RYR3: variants seen among roughly 807,000 people sequenced by gnomAD.
The protein encoded by RYR3 is brain ryanodine receptor-calcium release channel.
RYR3 carries 207 observed loss-of-function variants against 584.3 expected under a neutral mutation model. The ratio of observed to expected loss-of-function variants is 0.35; its 90% CI spans 0.32 to 0.40. The LOEUF is 0.40. Ranked by LOEUF, RYR3 falls within the 10% of genes least tolerant of loss-of-function variation. The pLI is 1.00. For synonymous variants in RYR3, 2,416 were observed against 2,248.5 expected (o/e 1.07, Z -2.11); for missense variants, 5,616 against 6,089.2 (o/e 0.92, Z 2.59).
At chr15:33,354,621 A>G (rs1333231071) in intron 1 of RYR3, among the ~76,000 whole-genome samples, 1 of 152,194 alleles carries the variant, frequency 6.6e-6, no homozygotes, top group African/African-American at 2.4e-5. Flanking sequence ...AATTGATTTA[A>G]TCAGCTTTCT....
At chr15:33,782,816 C>T (rs935015396) in intron 65 of RYR3, among the ~76,000 whole-genome samples, 4 of 152,162 alleles carry the variant, frequency 2.6e-5, no homozygotes, top group African/African-American at 9.7e-5. Flanking sequence ...CATCCTGGTG[C>T]ATTTTCTTCC....
chr15:33,498,897 G>A (rs1051433557), intron 2 of RYR3, among the ~76,000 whole-genome samples: 1 of 152,010 alleles, frequency 6.6e-6, no homozygotes, highest in African/African-American at 2.4e-5. Flanking sequence ...GCATATGCAC[G>A]TTCAGTTTTC....
intron 38 of RYR3, among the ~76,000 whole-genome samples, chr15:33,679,327 A>G (rs766464164): frequency 3.9e-5 from 6 of 152,232 alleles, no homozygotes; most frequent in African/African-American, 7.2e-5. Context: ...ATGTGCAGTG[A>G]TGCTTTGATA....
chr15:33,362,786 G>A (rs1974958955), intron 1 of RYR3, among the ~76,000 whole-genome samples: 2 of 152,164 alleles, frequency 1.3e-5, no homozygotes, highest in East Asian at 3.9e-4. Context: ...CAGTACCAGA[G>A]CAAAACACAA....
chr15:33,845,737 TTTGAA>T (rs2078683979), intron 93 of RYR3, among the ~76,000 whole-genome samples: 1 of 152,242 alleles, frequency 6.6e-6, no homozygotes, highest in African/African-American at 2.4e-5. Context: ...TCTTCTGATC[TTTGAA>T]TTGATGTCAA....
intron 1 of RYR3, among the ~76,000 whole-genome samples, chr15:33,340,865 G>T (rs1370898242): frequency 6.6e-6 from 1 of 152,174 alleles, no homozygotes; most frequent in Non-Finnish European, 1.5e-5. Context: ...TAGATGTATA[G>T]TCTTGGGCAA....
intron 1 of RYR3, among the ~76,000 whole-genome samples, chr15:33,312,787 A>G (rs2140447820): frequency 6.6e-6 from 1 of 152,280 alleles, no homozygotes; most frequent in South Asian, 2.1e-4. Flanking sequence ...AGTTGTTGTG[A>G]GATCCTTATG....
intron 42 of RYR3, among the ~76,000 whole-genome samples, chr15:33,705,316 A>T (rs2066619068): frequency 6.6e-6 from 1 of 152,182 alleles, no homozygotes; most frequent in South Asian, 2.1e-4. Flanking sequence ...ATTCTTGCTG[A>T]GTTTGGCCTT....
At chr15:33,722,579 C>T (rs781776478) in intron 43 of RYR3, 136 bp from the exon 44 acceptor site, 1 of 772,982 alleles carries the variant, frequency 1.3e-6, no homozygotes, top group Non-Finnish European at 2.2e-6. Context: ...CTCCCACTGC[C>T]CACTTGACTG....
At chr15:33,689,075 G>C (rs1013527399) in intron 38 of RYR3, among the ~76,000 whole-genome samples, 15 of 152,034 alleles carry the variant, frequency 9.9e-5, no homozygotes, top group African/African-American at 3.6e-4. Context: ...GTCCTTTGCA[G>C]AGACATGGAT....
chr15:33,813,389 A>T, intron 73 of RYR3, 78 bp from the exon 74 acceptor site: 5 of 1,254,642 alleles, frequency 4.0e-6, no homozygotes, highest in Non-Finnish European at 5.8e-6. Flanking sequence ...AGAATGAAGA[A>T]GTCTGGGCTA....
In RYR3 at chr15:33,826,249, C is replaced by T. The variant is rs926705988; in HGVS notation, c.11147-3C>T. The stretch of plus-strand genomic sequence containing the variant: ...TATTCTTCTGTTTTTCTCTCATTAC[C>T]AGTCATTGTTCGGGAACGTGGTAAG... On this transcript the variant is annotated splice_polypyrimidine_tract_variant and splice_region_variant and intron_variant, in intron 82 of 103. Transcript: ENST00000634891. 3.1e-6 allele frequency: 5 copies of T among 1,613,480 alleles called. No individual in the cohort carries two copies. Among genetic ancestry groups the T allele is most frequent in the Non-Finnish European group, 3.4e-6 (4 of 1,179,504 alleles).
intron 71 of RYR3, 97 bp downstream of exon 71, chr15:33,810,746 G>A (rs1471865544): frequency 6.7e-6 from 10 of 1,484,068 alleles, no homozygotes; most frequent in South Asian, 2.5e-5. Flanking sequence ...CCTGGGGGGC[G>A]GGGAGCAGAT....
At chr15:33,422,858 G>T (rs2044337836) in intron 1 of RYR3, among the ~76,000 whole-genome samples, 1 of 152,178 alleles carries the variant, frequency 6.6e-6, no homozygotes, top group Admixed American at 6.5e-5. Flanking sequence ...TATTTTAAAG[G>T]CATCTAGTTC....
chr15:33,816,722 G>A (rs772623691), intron 74 of RYR3, 140 bp from the exon 75 acceptor site: 4 of 547,024 alleles, frequency 7.3e-6, no homozygotes, highest in Non-Finnish European at 1.3e-5. Flanking sequence ...GAGTTCTGTG[G>A]TATGCTACTG....
chr15:33,854,520 C>T, intron 97 of RYR3, 71 bp downstream of exon 97: 1 of 1,299,158 alleles, frequency 7.7e-7, no homozygotes, highest in East Asian at 2.5e-5. Context: ...GCAAGCTATG[C>T]AGGATGCTCA....
Position 33,780,337 on chromosome 15 carries a change from G to A in RYR3, c.9264G>A (p.Arg3088=), listed in dbSNP as rs1596552100. The change falls in exon 65 of 104, where the codon AGG becomes AGA. Residue 3088 remains arginine (R), a synonymous_variant. Transcript: ENST00000634891. ...SVFNTKTPRE[R]SILGMPDTVE... is the part of the protein sequence containing the mutation. The stretch of plus-strand genomic sequence containing the variant: ...TCAACACCAAAACCCCCAGGGAGAG[G>A]TCTAGTAAGTATCTCCCCTCAAAGG... 1.2e-6 allele frequency: 2 copies of A among 1,613,638 alleles called. No individual in the cohort carries two copies. The highest frequency in any genetic ancestry group is 1.7e-6 in the Non-Finnish European group (2 of 1,179,718).
At chr15:33,381,973 A>G (rs992254435) in intron 1 of RYR3, among the ~76,000 whole-genome samples, 8 of 152,188 alleles carry the variant, frequency 5.3e-5, no homozygotes, top group African/African-American at 1.4e-4. Flanking sequence ...TCCAGAGCCC[A>G]TATAGCATAG....
At chr15:33,378,640 A>G (rs11630176) in intron 1 of RYR3, among the ~76,000 whole-genome samples, 6,019 of 152,332 alleles carry the variant, frequency 0.04, 162 homozygotes, top group Non-Finnish European at 0.061. Flanking sequence ...AGTCATCAGA[A>G]GTTATTATTA....
Sources: gnomAD v4.1 joint callset for allele counts (sites outside exome capture counted in the v4.1 genomes callset) on GRCh38, gnomAD v4.1.1 for gene constraint, MANE v1.5 for transcripts, NCBI Gene and HGNC (gene_info 2026-07-23, HGNC 2026-07-21) for gene names.